TANC1: variants seen among roughly 807,000 people sequenced by gnomAD.
TANC1 encodes the protein tetratricopeptide repeat, ankyrin repeat and coiled-coil containing 1, also known as protein TANC1.
TANC1 carries 77 observed loss-of-function variants against 149.7 expected under a neutral mutation model. The observed-to-expected ratio is 0.51, with a 90% CI of 0.43 to 0.62. The LOEUF is 0.62. TANC1 is among the 20% of genes least tolerant of loss of function. The pLI is 0.00. For missense variants in TANC1, 1,985 were observed against 2,321.8 expected (o/e 0.85, Z 2.98); for synonymous variants, 854 against 925.0 (o/e 0.92, Z 1.39).
chr2:159,039,858 C>G (rs1040957735), intron 2 of TANC1, among the ~76,000 whole-genome samples: 1 of 152,156 alleles, frequency 6.6e-6, no homozygotes, highest in Non-Finnish European at 1.5e-5. Flanking sequence ...CTGTAGATGT[C>G]TATTAGGTCC....
chr2:159,207,030 A>G (rs921407116), intron 19 of TANC1, among the ~76,000 whole-genome samples: 3 of 152,208 alleles, frequency 2.0e-5, no homozygotes, highest in African/African-American at 7.2e-5. Context: ...TTAGGAAATT[A>G]TTTTTAAATT....
intron 3 of TANC1, among the ~76,000 whole-genome samples, chr2:159,066,377 G>A (rs776534179): frequency 6.6e-6 from 1 of 152,092 alleles, no homozygotes; most frequent in Non-Finnish European, 1.5e-5. Flanking sequence ...TAAAGCCACT[G>A]TACTCCAGCC....
intron 2 of TANC1, among the ~76,000 whole-genome samples, chr2:159,036,157 G>A (rs1025561120): frequency 1.3e-5 from 2 of 152,122 alleles, no homozygotes; most frequent in Non-Finnish European, 2.9e-5. Context: ...CTGGCTGCCA[G>A]GGCCCTCTCC....
At chr2:159,020,713 G>A (rs1417018301) in intron 2 of TANC1, among the ~76,000 whole-genome samples, 1 of 152,160 alleles carries the variant, frequency 6.6e-6, no homozygotes, top group Admixed American at 6.5e-5. Flanking sequence ...CTATGAAGCT[G>A]CTCAGGGGCA....
At chr2:159,096,596 G>A (rs748214421) in intron 3 of TANC1, among the ~76,000 whole-genome samples, 24 of 152,228 alleles carry the variant, frequency 1.6e-4, no homozygotes, top group Non-Finnish European at 3.4e-4. Flanking sequence ...AGCCCCTGCT[G>A]CTGTGTTGTT....
chr2:159,052,873 T>A (rs2041570858), intron 2 of TANC1, among the ~76,000 whole-genome samples: 1 of 152,262 alleles, frequency 6.6e-6, no homozygotes, highest in South Asian at 2.1e-4. Context: ...CCTGCTGCTG[T>A]GTCTTATTTA....
Position 159,172,243 on chromosome 2 carries a change from G to A in TANC1, c.1474G>A (p.Glu492Lys), listed in dbSNP as rs1336381175. ...SISAENQRPR[E>K]DAVKYLASKV... ...CAGTGCTGAAAACCAGAGACCAAGAGAGGATGCAGTGAAATATCTTGCTTC... is the reference window on the plus strand; with the variant it reads ...CAGTGCTGAAAACCAGAGACCAAGAAAGGATGCAGTGAAATATCTTGCTTC... Residue 492 changes from glutamate to lysine, a missense_variant, in exon 11 of 27, where the codon GAG becomes AAG. Coordinates refer to ENST00000263635, the MANE Select transcript of TANC1 (RefSeq NM_033394.3). 6.2e-7 allele frequency: 1 copy of A among 1,614,132 alleles called. No homozygotes were observed. The highest frequency in any genetic ancestry group is 8.5e-7 in the Non-Finnish European group (1 of 1,179,980).
At chr2:159,052,223 G>T (rs1190774640) in intron 2 of TANC1, among the ~76,000 whole-genome samples, 1 of 141,960 alleles carries the variant, frequency 7.0e-6, no homozygotes, top group Non-Finnish European at 1.7e-5. Flanking sequence ...GTGGCATTTT[G>T]TTTTTGTACA....
At chr2:159,084,082 T>C (rs2044574161) in intron 3 of TANC1, among the ~76,000 whole-genome samples, 2 of 152,184 alleles carry the variant, frequency 1.3e-5, no homozygotes, top group African/African-American at 2.4e-5. Flanking sequence ...AAACCCCCTC[T>C]CCACTAAAAA....
At chr2:159,128,490 C>A (rs1267710850) in intron 4 of TANC1, among the ~76,000 whole-genome samples, 2 of 152,138 alleles carry the variant, frequency 1.3e-5, no homozygotes, top group African/African-American at 4.8e-5. Flanking sequence ...TTGAAATTGC[C>A]CTCCTCTTTG....
intron 1 of TANC1, among the ~76,000 whole-genome samples, chr2:158,993,032 G>C (rs1404193169): frequency 6.6e-6 from 1 of 152,112 alleles, no homozygotes; most frequent in Non-Finnish European, 1.5e-5. Flanking sequence ...TTTGTCATTA[G>C]AATCAGGGCA....
intron 2 of TANC1, among the ~76,000 whole-genome samples, chr2:159,025,197 C>CTTTCTTTCTTTCTTTCTTTCTT: frequency 7.9e-6 from 1 of 126,050 alleles, no homozygotes; most frequent in Admixed American, 7.9e-5. Flanking sequence ...TCTTTTCTTT[C>CTTTCTTTCTTTCTTTCTTTCTT]TTTCTTTCTT....
In TANC1 at chr2:159,097,675, C is replaced by T; in HGVS notation, c.100C>T (p.Leu34Phe). 2.5e-6 allele frequency: 4 copies of T among 1,614,138 alleles called. No individual in the cohort carries two copies. Among genetic ancestry groups the T allele is most frequent in the Non-Finnish European group, 3.4e-6 (4 of 1,180,012 alleles). ...TCCAGAGACTTCTCCAGTCCTGCAC[C>T]TTGACCACAGTGCTGACTCTCCTGT... ...FGPETSPVLH[L>F]DHSADSPVSS... The change falls in exon 4 of 27, where the codon CTT (leucine) becomes TTT (phenylalanine). Residue 34 changes from leucine (L) to phenylalanine (F), a missense_variant. By Grantham distance (22) the Leu-to-Phe change is conservative. Around this residue, in one of 3 missense-constraint regions of TANC1, gnomAD observed 557 missense variants for 612.9 expected, o/e 0.91. Transcript: ENST00000263635.
intron 7 of TANC1, among the ~76,000 whole-genome samples, chr2:159,152,361 A>T (rs901799041): frequency 2.0e-5 from 3 of 151,852 alleles, no homozygotes; most frequent in Admixed American, 1.3e-4. Flanking sequence ...TCTCCTGCAG[A>T]TAGTTTATCT....
At chr2:159,116,091 G>A (rs1304648739) in intron 4 of TANC1, among the ~76,000 whole-genome samples, 1 of 152,128 alleles carries the variant, frequency 6.6e-6, no homozygotes, top group East Asian at 1.9e-4. Context: ...CAGGGCATCT[G>A]ACGCAGAGGC....
Position 159,170,698 on chromosome 2 carries a change from A to C in TANC1, c.1244A>C (p.Asn415Thr). 1 of 1,614,144 alleles carries C rather than the reference A, an allele frequency of 6.2e-7. No individual in the cohort carries two copies. Among genetic ancestry groups the C allele is most frequent in the Non-Finnish European group, 8.5e-7 (1 of 1,180,016 alleles). The part of the protein sequence containing the change: ...AENRGAVVVG[N>T]VGFGKTAIIS... ...AACAGAGGCGCGGTGGTGGTTGGCA[A>C]TGTGGGATTTGGGAAGACGGCAATC... The change falls in exon 10 of 27, where the codon AAT (asparagine) becomes ACT (threonine). Residue 415 changes from asparagine to threonine, a missense_variant. This residue lies in a region of TANC1 where 557 missense variants were observed against 612.9 expected (regional missense o/e 0.91). Transcript: ENST00000263635.
Position 159,228,863 on chromosome 2 carries a change from T to C in TANC1, c.4118T>C (p.Phe1373Ser). Reference protein sequence around the residue: ...LELKPKSYEAFYARARAKRNS... With the variant: ...LELKPKSYEASYARARAKRNS... ...TTGAAGCCCAAGTCCTATGAAGCCT[T>C]TTATGCCAGAGCAAGAGCGAAGAGA... The change falls in exon 26 of 27, where the codon TTT (phenylalanine) becomes TCT (serine). Residue 1373 changes from phenylalanine (F) to serine (S), a missense_variant. Around this residue, in one of 3 missense-constraint regions of TANC1, gnomAD observed 920 missense variants for 994.7 expected, o/e 0.92. Transcript: ENST00000263635. 1 of 1,614,160 alleles carries C rather than the reference T, an allele frequency of 6.2e-7. No individual in the cohort carries two copies. The highest frequency in any genetic ancestry group is 1.1e-5 in the South Asian group (1 of 91,074).
In TANC1 at chr2:159,230,702, C is replaced by A; in HGVS notation, c.5276C>A (p.Ala1759Glu). The change falls in exon 27 of 27, where the codon GCA (alanine) becomes GAA (glutamate). Residue 1759 changes from alanine (A) to glutamate (E), a missense_variant. This residue lies in a region of TANC1 where 920 missense variants were observed against 994.7 expected (regional missense o/e 0.92). Coordinates refer to ENST00000263635, the MANE Select transcript of TANC1 (RefSeq NM_033394.3). This position sits in a 1 kb window ranked among gnomAD's most constrained non-coding sequence, Gnocchi z 4.4. ...GGGCTGCTGACAAACACGTCTTCTGCAGCTGGCCTGCAGTCTGCTAACACT... is the reference window on the plus strand; with the variant it reads ...GGGCTGCTGACAAACACGTCTTCTGAAGCTGGCCTGCAGTCTGCTAACACT... ...PEGLLTNTSS[A>E]AGLQSANTEK... is the part of the protein sequence containing the mutation. 1 of 1,614,184 alleles carries A rather than the reference C, an allele frequency of 6.2e-7. No homozygotes were observed. The highest frequency in any genetic ancestry group is 2.2e-5 in the East Asian group (1 of 44,884).
intron 2 of TANC1, among the ~76,000 whole-genome samples, chr2:159,046,941 T>C (rs1294854904): frequency 6.6e-6 from 1 of 152,108 alleles, no homozygotes; most frequent in Non-Finnish European, 1.5e-5. Context: ...TTTTTGCTTC[T>C]TTAATTTCCT....
Sources: gnomAD v4.1 joint callset for allele counts (sites outside exome capture counted in the v4.1 genomes callset) on GRCh38, gnomAD v4.1.1 for gene constraint, gnomAD v4.1.1 regional missense constraint, Gnocchi (gnomAD v3.1) non-coding constraint, MANE v1.5 for transcripts, NCBI Gene and HGNC (gene_info 2026-07-23, HGNC 2026-07-21) for gene names.